Variants in SEMA3A observed in about 807,000 individuals in gnomAD.
SEMA3A encodes semaphorin-3A.
SEMA3A carries 29 observed loss-of-function variants against 97.9 expected under a neutral mutation model. The observed-to-expected ratio is 0.30, with a 90% confidence interval of 0.22 to 0.40. The LOEUF (loss-of-function observed/expected upper bound fraction) is 0.40. SEMA3A is among the 10% of genes least tolerant of loss of function. The probability of loss-of-function intolerance (pLI) is 1.00; values close to 1 mark genes in which losing one functional copy is unlikely to be tolerated. For synonymous variants in SEMA3A, 321 were observed against 323.7 expected, an observed-to-expected ratio of 0.99 and a Z score of 0.09; for missense variants, 763 against 951.3, an observed-to-expected ratio of 0.80 and a Z score of 2.60.
At chr7:84,374,253 G>T (rs1160313453) in intron 1 of SEMA3A, among the ~76,000 whole-genome samples, 1 of 152,132 alleles carries the variant, frequency 6.6e-6, no homozygotes, top group Non-Finnish European at 1.5e-5. Context: ...TCCATTCAAA[G>T]AATTCTTTAA....
At chr7:84,250,003 C>T (rs1477145287) in intron 3 of SEMA3A, among the ~76,000 whole-genome samples, 1 of 151,242 alleles carries the variant, frequency 6.6e-6, no homozygotes, top group Non-Finnish European at 1.5e-5. Flanking sequence ...ATATTATTAC[C>T]ACATTTCAAC....
chr7:84,483,828 T>A (rs1029854431), intron 1 of SEMA3A, among the ~76,000 whole-genome samples: 1 of 152,048 alleles, frequency 6.6e-6, no homozygotes, highest in African/African-American at 2.4e-5. Flanking sequence ...GCAGATCACC[T>A]GAGGTCAGGA....
chr7:84,290,895 A>G (rs1286854209), intron 3 of SEMA3A, among the ~76,000 whole-genome samples: 3 of 152,138 alleles, frequency 2.0e-5, no homozygotes, highest in Admixed American at 6.6e-5. Context: ...CTAAAATCTT[A>G]AAGCATTATT....
chr7:84,201,107 ATTACT>A (rs1798344917), intron 3 of SEMA3A, among the ~76,000 whole-genome samples: 1 of 152,074 alleles, frequency 6.6e-6, no homozygotes, highest in Non-Finnish European at 1.5e-5. Flanking sequence ...GGTTTAAAGG[ATTACT>A]TTACATCTGA....
rs183653490 is a variant in SEMA3A, at chr7:84,230,337, A to T, written c.-82-35669T>A. 7.9e-3 allele frequency among the ~76,000 whole-genome samples: 1,202 copies of T among 152,060 alleles called. 4 individuals carry two copies. The highest frequency in any genetic ancestry group is 0.012 in the Admixed American group (182 of 15,220). On this transcript the variant is annotated intron_variant, in intron 3 of 3. Coordinates refer to the SEMA3A transcript ENST00000424555. ...GACTTCAACTATGGCGTATATTCTG[A>T]TATTTTTTAAATCAATGTCTGTTGC...
rs181104770 is a variant in SEMA3A at position 84,281,268 on chromosome 7, C to T, written c.-83+25939G>A. 9.9e-4 allele frequency among the ~76,000 whole-genome samples: 151 copies of T among 152,204 alleles called. 4 individuals are homozygous for T. The highest frequency in any genetic ancestry group is 9.9e-3 in the Admixed American group (151 of 15,274). ...CATAATGAGGGTTGGATTGAGGAGG[C>T]TGGGAGCAGAATAGAGATCATCCAT... On this transcript the variant is annotated intron_variant, in intron 3 of 3. Coordinates refer to the SEMA3A transcript ENST00000424555.
intron 6 of SEMA3A, among the ~76,000 whole-genome samples, chr7:84,023,759 C>G (rs545521919): frequency 6.6e-6 from 1 of 152,244 alleles, no homozygotes; most frequent in South Asian, 2.1e-4. Context: ...GCCTGTAATC[C>G]CAGCACTTTG....
chr7:84,107,089 A>C (rs1795131576), intron 4 of SEMA3A, among the ~76,000 whole-genome samples: 1 of 152,188 alleles, frequency 6.6e-6, no homozygotes, highest in African/African-American at 2.4e-5. Context: ...TCATATATTC[A>C]AACTCTATGA....
chr7:83,993,923 T>C (rs1790080594), intron 12 of SEMA3A, among the ~76,000 whole-genome samples: 1 of 117,556 alleles, frequency 8.5e-6, no homozygotes, highest in South Asian at 3.2e-4. Context: ...TCCAACTTGG[T>C]TCCATTCTCC....
chr7:84,020,040 T>C (rs1223803236), intron 6 of SEMA3A, among the ~76,000 whole-genome samples: 16 of 111,224 alleles, frequency 1.4e-4, no homozygotes, highest in African/African-American at 2.2e-4. Flanking sequence ...TCTTTCTTTT[T>C]TTTTTTTTTT....
At chr7:84,312,872 TTATATATATATATATATA>T (rs377261705) in intron 2 of SEMA3A, among the ~76,000 whole-genome samples, 83 of 48,820 alleles carry the variant, frequency 1.7e-3, no homozygotes, top group Non-Finnish European at 2.2e-3. Flanking sequence ...TGGTGTTGTT[TTATATATATATATATATA>T]TATATATATA....
At chr7:83,994,693 G>A (rs888938110) in intron 12 of SEMA3A, among the ~76,000 whole-genome samples, 4 of 148,546 alleles carry the variant, frequency 2.7e-5, no homozygotes, top group African/African-American at 7.5e-5. Flanking sequence ...CCAGCTGCGT[G>A]CTGGGAGAAC....
intron 3 of SEMA3A, among the ~76,000 whole-genome samples, chr7:84,249,137 G>A (rs1267715968): frequency 6.6e-6 from 1 of 152,188 alleles, no homozygotes; most frequent in African/African-American, 2.4e-5. Flanking sequence ...AGTGAGCCAT[G>A]TTCCTGCCTT....
chr7:84,185,835 T>C (rs71558716), intron 1 of SEMA3A, among the ~76,000 whole-genome samples: 9,559 of 152,060 alleles, frequency 0.063, 350 homozygotes, highest in African/African-American at 0.092. Flanking sequence ...AAAATCAACG[T>C]CCTTTTCTTT....
intron 3 of SEMA3A, among the ~76,000 whole-genome samples, chr7:84,246,394 T>A (rs1799477771): frequency 6.6e-6 from 1 of 152,188 alleles, no homozygotes; most frequent in Non-Finnish European, 1.5e-5. Flanking sequence ...AACTTACGTA[T>A]GTCAAAAATA....
intron 3 of SEMA3A, among the ~76,000 whole-genome samples, chr7:84,209,054 A>G (rs1314756566): frequency 2.0e-5 from 3 of 152,182 alleles, no homozygotes; most frequent in African/African-American, 7.2e-5. Flanking sequence ...TGCATTTTAG[A>G]ATCTTATTGT....
rs375623714 is a variant in SEMA3A at position 84,430,740 on chromosome 7, A to T, written c.-245-58840T>A. On this transcript the variant is annotated intron_variant, in intron 1 of 3. Coordinates refer to the SEMA3A transcript ENST00000424555. ...TAATATAAGTTCAAGGTGAAGAAGA[A>T]TTGTCTCAAGGCCTTCCATCTTTCT... Among the ~76,000 whole-genome samples the T allele has an allele frequency of 6.8e-4, 103 of 151,818 alleles. 1 individual carries two copies. The highest frequency in any genetic ancestry group is 2.3e-3 in the African/African-American group (95 of 41,442).
In SEMA3A at chr7:83,985,435, C is replaced by A. The variant is rs1203772455; in HGVS notation, c.1494+1G>T. The A allele has an allele frequency of 2.5e-6, 4 of 1,604,326 alleles. No homozygotes were observed. Among genetic ancestry groups the A allele is most frequent in the East Asian group, 2.2e-5 (1 of 44,698 alleles). On this transcript the variant is annotated splice_donor_variant, in intron 13 of 16. Coordinates refer to ENST00000265362, the MANE Select transcript of SEMA3A (RefSeq NM_006080.3). LOFTEE classifies it high-confidence loss of function. ...TCAATGGTAATACATAATGATAGTA[C>A]CTGCTTAGTGGAAAGCTCCATTGCT...
intron 4 of SEMA3A, among the ~76,000 whole-genome samples, chr7:84,091,170 A>AGG (rs1298329412): frequency 5.9e-4 from 26 of 43,818 alleles, no homozygotes; most frequent in South Asian, 3.2e-3. Flanking sequence ...GAAGGAAGGA[A>AGG]AGAAAGAAAG....
Sources: allele counts gnomAD v4.1 joint callset (sites outside exome capture counted in the v4.1 genomes callset), GRCh38; gene constraint gnomAD v4.1.1; transcripts MANE v1.5; gene names NCBI Gene and HGNC (gene_info 2026-07-23, HGNC 2026-07-21).